The following OASL variants were observed in gnomAD, a reference collection of about 807,000 sequenced individuals.
OASL encodes 2'-5'-oligoadenylate synthase-like protein.
OASL carries 28 observed loss-of-function variants against 35.3 expected under a neutral mutation model. The observed-to-expected ratio is 0.79, with a 90% CI of 0.59 to 1.09. The LOEUF is 1.09. Among genes scored for constraint, OASL ranks in the 50% least tolerant of loss-of-function variants. OASL has a pLI of 0.00. For synonymous variants in OASL, 252 were observed against 254.6 expected (o/e 0.99, Z 0.10); for missense variants, 620 against 635.2 (o/e 0.98, Z 0.26).
At position 121,027,975 on chromosome 12, in the gene OASL, G is replaced by A. The variant is rs149007832; in HGVS notation, c.658-158C>T. ...TGTCACATTCCATCTCTAGACATAG[G>A]TTTCACCATTTTAGAATTAAAGGGC... On this transcript the variant is annotated intron_variant, in intron 3 of 5. Coordinates refer to ENST00000257570, the Ensembl canonical transcript of OASL. Among the ~76,000 whole-genome samples, 3 of 152,294 alleles carry A rather than the reference G, an allele frequency of 2.0e-5. No individual in the cohort carries two copies. The East Asian group carries it at 5.8e-4, about 29-fold the overall frequency.
exon 1 of OASL, chr12:121,038,943 G>A: frequency 6.2e-7 from 1 of 1,614,114 alleles, no homozygotes. Context: ...GGAGGCTGGT[G>A]TGCTATACAG....
chr12:121,023,855 G>T, intron 5 of OASL, 135 bp downstream of exon 5: 1 of 1,004,112 alleles, frequency 1.0e-6, no homozygotes, highest in Non-Finnish European at 1.5e-6. Context: ...GAGCCCATGG[G>T]TGGTGCAGCT....
chr12:121,020,649 C>A (rs918024271), exon 6 of OASL: 2 of 1,614,198 alleles, frequency 1.2e-6, no homozygotes, highest in Middle Eastern at 1.7e-4. Flanking sequence ...CAGACCCAAC[C>A]AGTCCTGCAG....
At chr12:121,029,144 T>G (rs1199491334) in intron 3 of OASL, among the ~76,000 whole-genome samples, 1 of 151,668 alleles carries the variant, frequency 6.6e-6, no homozygotes, top group Non-Finnish European at 1.5e-5. Context: ...GGTCAAATAT[T>G]CAGTAGTTTG....
At chr12:121,027,401 C>G (rs1193284634) in intron 4 of OASL, among the ~76,000 whole-genome samples, 175 bp downstream of exon 4, 1 of 152,224 alleles carries the variant, frequency 6.6e-6, no homozygotes, top group East Asian at 1.9e-4. Context: ...CCCCCAGTGA[C>G]TTTGATAAGC....
intron 1 of OASL, among the ~76,000 whole-genome samples, chr12:121,034,100 G>T (rs1183215816): frequency 6.6e-6 from 1 of 152,082 alleles, no homozygotes; most frequent in Non-Finnish European, 1.5e-5. Flanking sequence ...GTTTGGTGGG[G>T]TGCCTGGCAC....
exon 6 of OASL, chr12:121,020,992 G>A (rs771899196): frequency 1.2e-5 from 19 of 1,613,352 alleles, no homozygotes; most frequent in Non-Finnish European, 1.5e-5. Flanking sequence ...GGCTCATAAG[G>A]GTTCACGATG....
exon 6 of OASL, chr12:121,020,758 T>C (rs374637093): frequency 6.2e-7 from 1 of 1,614,122 alleles, no homozygotes; most frequent in Non-Finnish European, 8.5e-7. Flanking sequence ...TTGGGGTTGA[T>C]GGCATAGGCG....
chr12:121,025,329 C>T (rs1404629537), intron 4 of OASL, among the ~76,000 whole-genome samples: 3 of 152,156 alleles, frequency 2.0e-5, no homozygotes. Context: ...ACCCATCTAC[C>T]TCCTCAACAG....
intron 4 of OASL, among the ~76,000 whole-genome samples, chr12:121,026,637 A>C (rs758806904): frequency 2.6e-5 from 4 of 152,172 alleles, no homozygotes; most frequent in Non-Finnish European, 4.4e-5. Flanking sequence ...GCATCACCTG[A>C]GGTCAGGAGT....
chr12:121,036,099 G>T (rs1355814582), intron 1 of OASL, among the ~76,000 whole-genome samples: 1 of 152,180 alleles, frequency 6.6e-6, no homozygotes, highest in Non-Finnish European at 1.5e-5. Flanking sequence ...CTGGGCTCAA[G>T]CAATCCTCCC....
downstream of OASL, among the ~76,000 whole-genome samples, chr12:121,018,497 C>G (rs115352909): frequency 9.7e-3 from 1,476 of 152,062 alleles, 30 homozygotes; most frequent in African/African-American, 0.033. Flanking sequence ...TTCTCTTAAG[C>G]TTTCAGGCCC....
intron 1 of OASL, among the ~76,000 whole-genome samples, chr12:121,035,635 C>T (rs1044357436): frequency 6.6e-6 from 1 of 152,156 alleles, no homozygotes; most frequent in Non-Finnish European, 1.5e-5. Flanking sequence ...AGGAGCTTGC[C>T]ATGGTCTCCC....
At chr12:121,030,721 G>A (rs547502536) in intron 3 of OASL, among the ~76,000 whole-genome samples, 27 of 152,054 alleles carry the variant, frequency 1.8e-4, no homozygotes, top group African/African-American at 6.0e-4. Flanking sequence ...CCCTCTTTTC[G>A]ACTCCTGGGG....
exon 2 of OASL, chr12:121,033,684 C>T (rs765440561): frequency 7.4e-6 from 12 of 1,613,998 alleles, no homozygotes; most frequent in Admixed American, 3.3e-5. Context: ...AGCTCAGAAA[C>T]GCCACCAGCT....
chr12:121,027,129 C>T (rs548670287), intron 4 of OASL, among the ~76,000 whole-genome samples: 1 of 152,304 alleles, frequency 6.6e-6, no homozygotes, highest in East Asian at 1.9e-4. Context: ...ATTGTGGATC[C>T]TTAACACAGA....
exon 1 of OASL, chr12:121,039,184 G>A (rs112069656): frequency 1.7e-6 from 1 of 581,762 alleles, no homozygotes; most frequent in African/African-American, 1.9e-5. Flanking sequence ...GGGCACAGGA[G>A]GACTCTGGGC....
At chr12:121,038,958 T>C (rs1870074757) in exon 1 of OASL, 2 of 1,614,078 alleles carry the variant, frequency 1.2e-6, no homozygotes, top group Non-Finnish European at 1.7e-6. Context: ...ATACAGTTCC[T>C]GCATCAGTGC....
intron 5 of OASL, chr12:121,023,711 C>G: frequency 3.1e-6 from 1 of 325,860 alleles, no homozygotes; most frequent in Non-Finnish European, 5.9e-6. Context: ...CTGGACCCAA[C>G]TCACGCAAAG....
Sources: gnomAD v4.1 joint callset for allele counts (sites outside exome capture counted in the v4.1 genomes callset) on GRCh38, gnomAD v4.1.1 for gene constraint, MANE v1.5 for transcripts, NCBI Gene and HGNC (gene_info 2026-07-23, HGNC 2026-07-21) for gene names.